Variants in WSCD1 observed in about 807,000 individuals in gnomAD.
WSCD1 encodes sialate:O-sulfotransferase 1.
Under a neutral mutation model 60.4 loss-of-function variants are expected in WSCD1, and 41 were observed. The observed-to-expected ratio is 0.68, with a 90% CI of 0.53 to 0.88. The LOEUF is 0.88. Among genes scored for constraint, WSCD1 ranks in the 40% least tolerant of loss-of-function variants. WSCD1 has a pLI of 0.00. For synonymous variants in WSCD1, 361 were observed against 332.5 expected (o/e 1.09, Z -0.93); for missense variants, 784 against 796.2 (o/e 0.98, Z 0.18).
At chr17:6,102,812 A>G (rs1375677681) in intron 5 of WSCD1, among the ~76,000 whole-genome samples, 1 of 151,764 alleles carries the variant, frequency 6.6e-6, no homozygotes, top group Non-Finnish European at 1.5e-5. Context: ...CATTTAGGCC[A>G]TTTCCTTTCT....
intron 7 of WSCD1, among the ~76,000 whole-genome samples, chr17:6,113,940 C>CA (rs1046209648): frequency 7.9e-5 from 12 of 151,076 alleles, no homozygotes; most frequent in African/African-American, 2.9e-4. Flanking sequence ...GGAGGCTCCT[C>CA]AAAAAAAAGT....
rs750650306 is a variant in WSCD1 at position 6,118,047 on chromosome 17, G to A, written c.1234G>A (p.Glu412Lys). The change falls in exon 8 of 9, where the codon GAG becomes AAG. Residue 412 changes from glutamate to lysine, a missense_variant. Glu to Lys is a moderately conservative substitution (Grantham distance 56, BLOSUM62 1). Transcript: ENST00000317744. This position sits in a 1 kb window ranked among gnomAD's most constrained non-coding sequence, Gnocchi z 5.8. The part of the protein sequence containing the change: ...SRRTICVKTH[E>K]SGRREIEMFD... ...ACGCACCATCTGTGTCAAAACCCACGAGAGTGGCAGGAGGGAGATTGAGAT... is the reference window on the plus strand; with the variant it reads ...ACGCACCATCTGTGTCAAAACCCACAAGAGTGGCAGGAGGGAGATTGAGAT... 6.8e-6 allele frequency: 11 copies of A among 1,614,182 alleles called. No homozygotes were observed. The highest frequency in any genetic ancestry group is 6.6e-5 in the South Asian group (6 of 91,074).
At chr17:6,104,167 T>C (rs1306511587) in intron 5 of WSCD1, among the ~76,000 whole-genome samples, 1 of 152,096 alleles carries the variant, frequency 6.6e-6, no homozygotes, top group African/African-American at 2.4e-5. Flanking sequence ...GCCAGGCTCC[T>C]ATAAACAACC....
chr17:6,111,716 A>T (rs1911423542), intron 7 of WSCD1, among the ~76,000 whole-genome samples: 1 of 145,372 alleles, frequency 6.9e-6, no homozygotes, highest in Admixed American at 6.7e-5. Context: ...AAAAAAAAAA[A>T]AAAAAAAAGA....
At chr17:6,074,753 C>T (rs189422279) in intron 1 of WSCD1, among the ~76,000 whole-genome samples, 3 of 152,346 alleles carry the variant, frequency 2.0e-5, no homozygotes, top group South Asian at 2.1e-4. Context: ...GGGTGCTTGA[C>T]GCCTCTCTCG....
chr17:6,081,488 A>G (rs1340219237), intron 2 of WSCD1, among the ~76,000 whole-genome samples: 2 of 152,118 alleles, frequency 1.3e-5, no homozygotes, highest in East Asian at 3.9e-4. Flanking sequence ...AGGCGGGCAG[A>G]TCACTTGAGG....
intron 7 of WSCD1, among the ~76,000 whole-genome samples, chr17:6,115,277 T>C (rs1911630164): frequency 6.6e-6 from 1 of 152,262 alleles, no homozygotes; most frequent in African/African-American, 2.4e-5. Context: ...TCTTGAATTT[T>C]CCTTAATTTT....
At chr17:6,099,898 T>C (rs1910695159) in intron 5 of WSCD1, among the ~76,000 whole-genome samples, 1 of 152,154 alleles carries the variant, frequency 6.6e-6, no homozygotes, top group Non-Finnish European at 1.5e-5. Context: ...TGTTAAACTT[T>C]TCACTCCTTA....
intron 2 of WSCD1, among the ~76,000 whole-genome samples, chr17:6,083,448 C>T (rs1909409684): frequency 1.3e-5 from 2 of 152,160 alleles, no homozygotes; most frequent in Admixed American, 6.5e-5. Context: ...GAGGCACGTG[C>T]GAAGTGGGCT....
chr17:6,085,566 C>T (rs1909581542), intron 2 of WSCD1, among the ~76,000 whole-genome samples: 1 of 152,148 alleles, frequency 6.6e-6, no homozygotes, highest in Admixed American at 6.5e-5. Flanking sequence ...TTCCCAAAGG[C>T]TGTCTCCATC....
intron 6 of WSCD1, 61 bp downstream of exon 6, chr17:6,109,827 G>C: frequency 6.3e-7 from 1 of 1,578,430 alleles, no homozygotes; most frequent in Non-Finnish European, 8.6e-7. Flanking sequence ...AGAGCTTCCA[G>C]GGTTTGGAGA....
At chr17:6,070,896 CG>C in intron 1 of WSCD1, among the ~76,000 whole-genome samples, 1 of 125,590 alleles carries the variant, frequency 8.0e-6, no homozygotes, top group Non-Finnish European at 1.7e-5. Context: ...CGGCGCTCGG[CG>C]CGGCCGGGAT....
intron 5 of WSCD1, among the ~76,000 whole-genome samples, chr17:6,096,587 G>T (rs1354091903): frequency 4.6e-5 from 7 of 152,224 alleles, no homozygotes; most frequent in Non-Finnish European, 1.0e-4. Flanking sequence ...GATGTCTTGG[G>T]CATCAGGGCA....
chr17:6,082,244 G>A (rs1909328003), intron 2 of WSCD1, among the ~76,000 whole-genome samples: 2 of 152,302 alleles, frequency 1.3e-5, no homozygotes, highest in South Asian at 2.1e-4. Context: ...GGATTCACGT[G>A]CATCCAGTAT....
In WSCD1 at chr17:6,070,611, A is replaced by G. The variant is rs1344587596; in HGVS notation, c.-330A>G. 1 of 148,326 alleles carries G rather than the reference A, an allele frequency of 6.7e-6. No homozygotes were observed. Among genetic ancestry groups the G allele is most frequent in the Non-Finnish European group, 1.5e-5 (1 of 66,948 alleles). The allele number at this position is 148,326 out of a possible 1,614,324, so 9.2% of individuals were successfully genotyped here. A position where few individuals can be genotyped will look rare whatever the true frequency, so the allele number is the denominator to read the frequency against. On this transcript the variant is annotated 5_prime_UTR_variant, in exon 1 of 9. The change abolishes an upstream ATG in the 5' untranslated region. Transcript: ENST00000317744. ...GCTCGGCGCCCGGGGAAGGCGGGCCATGGGCGCGGGTGCGGGCGCCCCAGC... is the reference window on the plus strand; with the variant it reads ...GCTCGGCGCCCGGGGAAGGCGGGCCGTGGGCGCGGGTGCGGGCGCCCCAGC...
Position 6,118,443 on chromosome 17 carries a change from A to G in WSCD1, c.1375+255A>G, listed in dbSNP as rs946687260. 6.6e-6 allele frequency among the ~76,000 whole-genome samples: 1 copy of G among 152,184 alleles called. No individual in the cohort carries two copies. The highest frequency in any genetic ancestry group is 2.4e-5 in the African/African-American group (1 of 41,454). The stretch of plus-strand genomic sequence containing the variant: ...TTACTTAGATGCCAGCTTGATTACC[A>G]AGAATCTTCTCTGCCTCCATGAGTG... On this transcript the variant is annotated intron_variant, in intron 8 of 8. Coordinates refer to ENST00000317744, the MANE Select transcript of WSCD1 (RefSeq NM_015253.2). The surrounding 1 kb of genome is among the most constrained non-coding windows in gnomAD (Gnocchi z 5.8).
chr17:6,076,432 G>T (rs1452347309), intron 1 of WSCD1, among the ~76,000 whole-genome samples: 1 of 152,170 alleles, frequency 6.6e-6, no homozygotes, highest in Non-Finnish European at 1.5e-5. Context: ...GACTGTGGGG[G>T]CTCAGAGCTG....
intron 5 of WSCD1, 99 bp from the exon 6 acceptor site, chr17:6,109,508 C>A: frequency 6.7e-7 from 1 of 1,493,378 alleles, no homozygotes; most frequent in Non-Finnish European, 9.1e-7. Context: ...ACAGATACAG[C>A]TGGCAATACA....
chr17:6,105,278 G>A (rs1369328071), intron 5 of WSCD1, among the ~76,000 whole-genome samples: 2 of 152,246 alleles, frequency 1.3e-5, no homozygotes, highest in African/African-American at 2.4e-5. Flanking sequence ...TCTGCCCTCG[G>A]ACACAGGCTG....
Sources: gnomAD v4.1 joint callset for allele counts (sites outside exome capture counted in the v4.1 genomes callset) on GRCh38, gnomAD v4.1.1 for gene constraint, Gnocchi (gnomAD v3.1) non-coding constraint, MANE v1.5 for transcripts, NCBI Gene and HGNC (gene_info 2026-07-23, HGNC 2026-07-21) for gene names.